KL: variants seen among roughly 807,000 people sequenced by gnomAD.
KL encodes alpha-klotho.
In KL, 62 loss-of-function variants were observed where a neutral mutation model predicts 84.2. The ratio of observed to expected loss-of-function variants is 0.74; its 90% CI spans 0.60 to 0.91. The LOEUF is 0.91. Ranked by LOEUF, KL falls within the 40% of genes least tolerant of loss-of-function variation. The pLI, the probability that KL is intolerant of heterozygous loss-of-function variation, is 0.00. For synonymous variants in KL, 528 were observed against 528.0 expected, an observed-to-expected ratio of 1.00 and a Z score of 0.00; for missense variants, 1,261 against 1,305.7, an observed-to-expected ratio of 0.97 and a Z score of 0.53.
Position 33,031,398 on chromosome 13 carries a change from A to G in KL, c.819+14139A>G, listed in dbSNP as rs149059466. ...AAAAAGTAGACTCAACAGAATAGATACGATCATAGAAAACATGATAGAGAA... is the reference window on the plus strand; with the variant it reads ...AAAAAGTAGACTCAACAGAATAGATGCGATCATAGAAAACATGATAGAGAA... On this transcript the variant is annotated intron_variant, in intron 1 of 4. Transcript: ENST00000380099. Among the ~76,000 whole-genome samples, 469 of 152,250 alleles carry G rather than the reference A, an allele frequency of 3.1e-3. 3 individuals are homozygous for G. The highest frequency in any genetic ancestry group is 0.011 in the African/African-American group (453 of 41,556).
In KL at chr13:33,063,879, G is replaced by T; in HGVS notation, c.2732G>T (p.Gly911Val). The change falls in exon 5 of 5, where the codon GGA becomes GTA. Residue 911 changes from glycine to valine, a missense_variant. Physicochemically the swap from Gly to Val is moderately radical, Grantham distance 109. Transcript: ENST00000380099. ...ATACTGGATGGTATCAATCTTTGCG[G>T]ATACTTTGCTTATTCGTTTAACGAC... ...AHILDGINLC[G>V]YFAYSFNDRT... 1.2e-6 allele frequency: 2 copies of T among 1,614,170 alleles called. No individual in the cohort carries two copies. Among genetic ancestry groups the T allele is most frequent in the Non-Finnish European group, 1.7e-6 (2 of 1,180,016 alleles).
At chr13:33,051,810 C>G (rs1392102760) in intron 1 of KL, among the ~76,000 whole-genome samples, 1 of 152,132 alleles carries the variant, frequency 6.6e-6, no homozygotes, top group Non-Finnish European at 1.5e-5. Context: ...AGAAAGGTGC[C>G]TGGTAGATTT....
At chr13:33,036,188 A>G (rs73460911) in intron 1 of KL, among the ~76,000 whole-genome samples, 8,765 of 152,228 alleles carry the variant, frequency 0.058, 667 homozygotes, top group African/African-American at 0.16. Flanking sequence ...GACCAGCCCT[A>G]ACTAAAACAA....
At chr13:33,024,498 A>C (rs1297041604) in intron 1 of KL, among the ~76,000 whole-genome samples, 1 of 152,108 alleles carries the variant, frequency 6.6e-6, no homozygotes, top group Admixed American at 6.5e-5. Flanking sequence ...GAGTGGTTGG[A>C]GTTCTCCCTG....
intron 1 of KL, among the ~76,000 whole-genome samples, chr13:33,024,364 G>A (rs1025419471): frequency 7.9e-5 from 12 of 152,182 alleles, no homozygotes; most frequent in African/African-American, 2.9e-4. Flanking sequence ...ATAAGGTGGA[G>A]GAGAGGAGAG....
rs747760000 is a variant in KL at position 33,017,206 on chromosome 13, G to A, written c.766G>A (p.Gly256Ser). 6.3e-7 allele frequency: 1 copy of A among 1,595,070 alleles called. No individual in the cohort carries two copies. Among genetic ancestry groups the A allele is most frequent in the Admixed American group, 1.7e-5 (1 of 59,534 alleles). Residue 256 changes from glycine (G) to serine (S), a missense_variant, in exon 1 of 5, where the codon GGC becomes AGC. Gly to Ser is a moderately conservative substitution (Grantham distance 56). Transcript: ENST00000380099. ...CTACGCCACCGGGCGCCTGGCCCCCGGCATCCGGGGCAGCCCGCGGCTCGG... is the reference window on the plus strand; with the variant it reads ...CTACGCCACCGGGCGCCTGGCCCCCAGCATCCGGGGCAGCCCGCGGCTCGG... ...HGYATGRLAP[G>S]IRGSPRLGYL... is the part of the protein sequence containing the mutation.
At position 33,040,434 on chromosome 13, in the gene KL, C is replaced by G. The variant is rs574230591; in HGVS notation, c.820-13333C>G. ...TCTCTAGTGCCTTCTAAAATTTTTT[C>G]AATCCTTTGACCTTTTTGAAAACGG... On this transcript the variant is annotated intron_variant, in intron 1 of 4. Transcript: ENST00000380099. 2.0e-5 allele frequency among the ~76,000 whole-genome samples: 3 copies of G among 152,224 alleles called. No individual in the cohort carries two copies. The South Asian group carries it at 6.2e-4, about 32-fold the overall frequency.
rs1446687712 is a variant in KL, at chr13:33,065,441, T to C, written c.*1255T>C. On this transcript the variant is annotated 3_prime_UTR_variant, in exon 5 of 5. Coordinates refer to ENST00000380099, the MANE Select transcript of KL (RefSeq NM_004795.4). ...TTGCTGATTTTCAGACAGGGAAGTC[T>C]CTCTATTACACTGGAGCTGTTTTAT... 3 of 196,512 alleles carry C rather than the reference T, an allele frequency of 1.5e-5. No homozygotes were observed. Among genetic ancestry groups the C allele is most frequent in the African/African-American group, 6.9e-5 (3 of 43,334 alleles). The allele number at this position is 196,512 out of a possible 1,614,324, so 12.2% of individuals were successfully genotyped here. A position where few individuals can be genotyped will look rare whatever the true frequency, so the allele number is the denominator to read the frequency against.
intron 3 of KL, among the ~76,000 whole-genome samples, chr13:33,059,672 C>T (rs1374678063): frequency 6.6e-6 from 1 of 152,098 alleles, no homozygotes; most frequent in African/African-American, 2.4e-5. Context: ...GGGGTTTCAC[C>T]ATGTTGGTCA....
At chr13:33,034,820 T>G (rs9526981) in intron 1 of KL, among the ~76,000 whole-genome samples, 9,165 of 152,256 alleles carry the variant, frequency 0.06, 316 homozygotes, top group Non-Finnish European at 0.08. Context: ...CCCCCTCCAC[T>G]TAGACCAGTG....
At position 33,019,728 on chromosome 13, in the gene KL, T is replaced by TGAGAGA. The variant is rs1270289825; in HGVS notation, c.819+2470_819+2471insAGAGAG. Among the ~76,000 whole-genome samples the TGAGAGA allele has an allele frequency of 3.6e-5, 4 of 111,028 alleles. No homozygotes were observed. In the East Asian group the frequency reaches 1.1e-3, roughly 29 times the overall value. 72.8% of individuals were successfully genotyped at this position (111,028 alleles called of 152,430 possible). A position where few individuals can be genotyped will look rare whatever the true frequency, so the allele number is the denominator to read the frequency against. On this transcript the variant is annotated intron_variant, in intron 1 of 4. Transcript: ENST00000380099. The stretch of plus-strand genomic sequence containing the variant: ...AAAATGGTGTGTGTGTGTGTGTGTG[T>TGAGAGA]GTGTGAGAGAGAGAGAGAGAGAGAG...
intron 3 of KL, 128 bp downstream of exon 3, chr13:33,055,443 T>C: frequency 8.7e-7 from 1 of 1,146,302 alleles, no homozygotes; most frequent in Non-Finnish European, 1.3e-6. Context: ...TCCTTATGAG[T>C]ACACTAAGGG....
Position 33,042,693 on chromosome 13 carries a change from T to A in KL, c.820-11074T>A, listed in dbSNP as rs74350111. ...TTAAGCTACTATAAGCATTTTTTTT[T>A]AATTGTGATGGGGTTTCGCTCTTGT... On this transcript the variant is annotated intron_variant, in intron 1 of 4. Coordinates refer to ENST00000380099, the MANE Select transcript of KL (RefSeq NM_004795.4). 3.6e-4 allele frequency among the ~76,000 whole-genome samples: 55 copies of A among 152,346 alleles called. No homozygotes were observed. In the South Asian group the frequency reaches 4.8e-3, roughly 13 times the overall value.
rs375722464 is a variant in KL, at chr13:33,016,887, C to T, written c.447C>T (p.Phe149=). Residue 149 remains phenylalanine (F), a synonymous_variant, in exon 1 of 5, where the codon TTC becomes TTT. Transcript: ENST00000380099. ...LRELGVTHYR[F]SISWARVLPN... ...AGCTCGGGGTCACTCACTACCGCTT[C>T]TCCATCTCGTGGGCGCGAGTGCTCC... is the stretch of plus-strand genomic sequence containing the variant. 5.6e-6 allele frequency: 9 copies of T among 1,612,562 alleles called. No individual in the cohort carries two copies. In the African/African-American group the frequency reaches 1.2e-4, roughly 21 times the overall value.
In KL at chr13:33,017,305, G is replaced by A. The variant is rs113741246; in HGVS notation, c.819+46G>A. The A allele has an allele frequency of 4.3e-3, 6,390 of 1,486,264 alleles. 50 individuals are homozygous for A. The highest frequency in any genetic ancestry group is 0.033 in the Middle Eastern group (171 of 5,180). 92.1% of individuals were successfully genotyped at this position (1,486,264 alleles called of 1,614,324 possible). A position where few individuals can be genotyped will look rare whatever the true frequency, so the allele number is the denominator to read the frequency against. ...GGAGGGCCACGCAGGGGAGACAGAG[G>A]GCCTCCACAGGGGCCAGGGGGAAGT... On this transcript the variant is annotated intron_variant, in intron 1 of 4. Coordinates refer to ENST00000380099, the MANE Select transcript of KL (RefSeq NM_004795.4).
intron 1 of KL, among the ~76,000 whole-genome samples, chr13:33,029,949 T>A (rs974591054): frequency 2.8e-5 from 4 of 143,220 alleles, no homozygotes; most frequent in Admixed American, 7.1e-5. Context: ...TTTTTTTTTT[T>A]AAAGGAATTT....
In KL at chr13:33,063,864, G is replaced by T; in HGVS notation, c.2717G>T (p.Gly906Val). 1 of 1,614,100 alleles carries T rather than the reference G, an allele frequency of 6.2e-7. No individual in the cohort carries two copies. Among genetic ancestry groups the T allele is most frequent in the Non-Finnish European group, 8.5e-7 (1 of 1,180,024 alleles). Residue 906 changes from glycine (G) to valine (V), a missense_variant, in exon 5 of 5, where the codon GGT (glycine) becomes GTT (valine). Gly to Val is a moderately radical substitution (Grantham distance 109). Transcript: ENST00000380099. ...GTTTTTCCAGCCCACATACTGGATG[G>T]TATCAATCTTTGCGGATACTTTGCT... is the stretch of plus-strand genomic sequence containing the variant. Reference protein sequence around the residue: ...NEALKAHILDGINLCGYFAYS... With the variant: ...NEALKAHILDVINLCGYFAYS...
At chr13:33,057,250 G>A (rs556067414) in intron 3 of KL, among the ~76,000 whole-genome samples, 14 of 152,212 alleles carry the variant, frequency 9.2e-5, no homozygotes, top group African/African-American at 3.4e-4. Flanking sequence ...CAGCATTGCT[G>A]TGCAGATCAT....
rs150115722 is a variant in KL, at chr13:33,061,657, A to G, written c.2578A>G (p.Lys860Glu). 112 of 1,614,164 alleles carry G rather than the reference A, an allele frequency of 6.9e-5. 1 individual carries two copies. The highest frequency in any genetic ancestry group is 8.6e-5 in the Non-Finnish European group (101 of 1,180,010). ...WGLRKVLNWL[K>E]FKYGDLPMYI... ...GTTGCGCAAAGTGCTGAACTGGCTG[A>G]AGTTCAAGTACGGAGACCTCCCCAT... The change falls in exon 4 of 5, where the codon AAG (lysine) becomes GAG (glutamate). Residue 860 changes from lysine to glutamate, a missense_variant. By Grantham distance (56) the Lys-to-Glu change is moderately conservative. Coordinates refer to ENST00000380099, the MANE Select transcript of KL (RefSeq NM_004795.4).
Sources: gnomAD v4.1 joint callset for allele counts (sites outside exome capture counted in the v4.1 genomes callset) on GRCh38, gnomAD v4.1.1 for gene constraint, MANE v1.5 for transcripts, NCBI Gene and HGNC (gene_info 2026-07-23, HGNC 2026-07-21) for gene names.